The following TKT variants were observed in gnomAD, a reference collection of about 807,000 sequenced individuals.
The protein encoded by TKT is epididymis luminal protein 107.
TKT carries 47 observed loss-of-function variants against 63.9 expected under a neutral mutation model. The ratio of observed to expected loss-of-function variants is 0.74; its 90% confidence interval spans 0.58 to 0.94. The LOEUF (loss-of-function observed/expected upper bound fraction) is 0.94, where lower values mean the gene tolerates loss of function less well. Among genes scored for constraint, TKT ranks in the 40% least tolerant of loss-of-function variants. TKT has a pLI of 0.00. For synonymous variants in TKT, 338 were observed against 334.1 expected (o/e 1.01, Z -0.13); for missense variants, 721 against 846.2 (o/e 0.85, Z 1.84).
intron 1 of TKT, among the ~76,000 whole-genome samples, chr3:53,248,123 G>A (rs1705594753): frequency 6.6e-6 from 1 of 152,208 alleles, no homozygotes; most frequent in Non-Finnish European, 1.5e-5. Context: ...TAGTGTGTAT[G>A]TACAGAACGT....
chr3:53,244,254 G>A (rs1705411103), intron 1 of TKT, among the ~76,000 whole-genome samples: 1 of 152,184 alleles, frequency 6.6e-6, no homozygotes, highest in Non-Finnish European at 1.5e-5. Flanking sequence ...TAGGAGCCAG[G>A]TGTCCCCGCA....
rs372017741 is a variant in TKT at position 53,255,947 on chromosome 3, C to T, written c.-5G>A. Reference sequence around the variant, plus strand: ...AGGCTTGTGGTAGCTCTCCATGGTGCGGCAGGCGGGGACCGGGCGCACACG... The same window carrying T: ...AGGCTTGTGGTAGCTCTCCATGGTGTGGCAGGCGGGGACCGGGCGCACACG... On this transcript the variant is annotated 5_prime_UTR_variant, in exon 1 of 14. Transcript: ENST00000462138. 4.6e-6 allele frequency: 7 copies of T among 1,513,122 alleles called. No homozygotes were observed. Among genetic ancestry groups the T allele is most frequent in the Non-Finnish European group, 6.2e-6 (7 of 1,126,816 alleles). 93.7% of individuals were successfully genotyped at this position (1,513,122 alleles called of 1,614,324 possible). A position where few individuals can be genotyped will look rare whatever the true frequency, so the allele number is the denominator to read the frequency against.
chr3:53,231,190 A>C (rs7633598), intron 7 of TKT, among the ~76,000 whole-genome samples, 167 bp downstream of exon 7: 27,168 of 152,162 alleles, frequency 0.18, 2,516 homozygotes, highest in South Asian at 0.29. Context: ...AACTCCAGAG[A>C]TGTCTGTCAT....
At chr3:53,251,022 T>C (rs1575575770) in intron 1 of TKT, among the ~76,000 whole-genome samples, 1 of 152,198 alleles carries the variant, frequency 6.6e-6, no homozygotes, top group East Asian at 1.9e-4. Context: ...CCTCCCACCC[T>C]GGCCTCCCAA....
chr3:53,226,505 C>T (rs1010708294), intron 13 of TKT: 6 of 504,864 alleles, frequency 1.2e-5, no homozygotes, highest in African/African-American at 3.9e-5. Context: ...CATTTAGCAG[C>T]GAGGTTGGAA....
intron 1 of TKT, among the ~76,000 whole-genome samples, chr3:53,245,765 A>G (rs555599006): frequency 6.6e-6 from 1 of 152,326 alleles, no homozygotes; most frequent in South Asian, 2.1e-4. Context: ...AGCCTGGGCA[A>G]CAGAGTGAGA....
At position 53,229,185 on chromosome 3, in the gene TKT, C is replaced by T. The variant is rs111651975; in HGVS notation, c.1265-48G>A. ...TGCAGAAATAAGACCCCTACCCCCC[C>T]ATCCATGGGCTGGAATCCTGGCCCA... On this transcript the variant is annotated intron_variant, in intron 9 of 13. Coordinates refer to ENST00000462138, the MANE Select transcript of TKT (RefSeq NM_001064.4). The T allele has an allele frequency of 2.7e-5, 44 of 1,613,400 alleles. No homozygotes were observed. In the Admixed American group the frequency reaches 3.3e-4, roughly 12 times the overall value.
chr3:53,247,865 C>T (rs781940302), intron 1 of TKT, among the ~76,000 whole-genome samples: 15 of 152,082 alleles, frequency 9.9e-5, no homozygotes, highest in Non-Finnish European at 2.2e-4. Flanking sequence ...GCTCTTCTTC[C>T]CCTCACTCAT....
intron 1 of TKT, among the ~76,000 whole-genome samples, chr3:53,254,840 T>A (rs940590403): frequency 6.6e-6 from 1 of 152,334 alleles, no homozygotes; most frequent in South Asian, 2.1e-4. Context: ...CCTCATTAAT[T>A]ATCCCTGTCT....
At chr3:53,227,086 A>C (rs1704532128) in intron 12 of TKT, 1 of 592,306 alleles carries the variant, frequency 1.7e-6, no homozygotes. Context: ...CATCTGGTCC[A>C]GCTGTGTTGC....
In TKT at chr3:53,226,777, C is replaced by A. The variant is rs781993830; in HGVS notation, c.1675G>T (p.Val559Leu). 1 of 1,614,198 alleles carries A rather than the reference C, an allele frequency of 6.2e-7. No homozygotes were observed. The highest frequency in any genetic ancestry group is 8.5e-7 in the Non-Finnish European group (1 of 1,180,024). ...TTACCTTCATAATAATGGTCCTCCACGGTGAGGATCCTGCCCTTGGTGGCA... is the reference window on the plus strand; with the variant it reads ...TTACCTTCATAATAATGGTCCTCCAAGGTGAGGATCCTGCCCTTGGTGGCA... ...ARATKGRILT[V>L]EDHYYEGGIG... Residue 559 changes from valine to leucine, a missense_variant, in exon 13 of 14, where the codon GTG becomes TTG. Val to Leu is a conservative substitution (Grantham distance 32). Coordinates refer to ENST00000462138, the MANE Select transcript of TKT (RefSeq NM_001064.4).
At position 53,233,171 on chromosome 3, in the gene TKT, C is replaced by T; in HGVS notation, c.733G>A (p.Gly245Ser). 2 of 1,613,786 alleles carry T rather than the reference C, an allele frequency of 1.2e-6. No individual in the cohort carries two copies. The highest frequency in any genetic ancestry group is 1.7e-6 in the Non-Finnish European group (2 of 1,179,864). The change falls in exon 6 of 14, where the codon GGC becomes AGC. Residue 245 changes from glycine to serine, a missense_variant. Gly to Ser is a moderately conservative substitution (Grantham distance 56, BLOSUM62 0). Transcript: ENST00000462138. ...GCATACTGACCCGTGATCCCTCGGCCCTTGAAGGTCTTGGCAATGATGGCT... is the reference window on the plus strand; with the variant it reads ...GCATACTGACCCGTGATCCCTCGGCTCTTGAAGGTCTTGGCAATGATGGCT... ...PTAIIAKTFKGRGITGVEDKE... is the reference protein window; with the variant it reads ...PTAIIAKTFKSRGITGVEDKE...
intron 5 of TKT, 47 bp downstream of exon 5, chr3:53,234,936 C>T (rs1704943914): frequency 6.5e-7 from 1 of 1,542,772 alleles, no homozygotes; most frequent in African/African-American, 1.4e-5. Flanking sequence ...GATCACAGAC[C>T]ACTCTCCCGT....
chr3:53,252,421 T>C (rs1377416058), intron 1 of TKT, among the ~76,000 whole-genome samples: 1 of 152,260 alleles, frequency 6.6e-6, no homozygotes, highest in Non-Finnish European at 1.5e-5. Context: ...ATGGGTTGCA[T>C]AGCAACGTTA....
At position 53,241,132 on chromosome 3, in the gene TKT, C is replaced by A. The variant is rs374270373; in HGVS notation, c.339G>T (p.Pro113=). The A allele has an allele frequency of 6.4e-7, 1 of 1,553,194 alleles. No individual in the cohort carries two copies. The highest frequency in any genetic ancestry group is 1.2e-5 in the South Asian group (1 of 80,934). Residue 113 remains proline, a splice_region_variant and synonymous_variant, in exon 3 of 14, where the codon CCG becomes CCT. Coordinates refer to ENST00000462138, the MANE Select transcript of TKT (RefSeq NM_001064.4). Reference sequence around the variant, plus strand: ...GGGAGGCTCTGGCAGGAGCACTTACCGGGACCGGGTGCCCGTCCAAGTCGG... The same window carrying A: ...GGGAGGCTCTGGCAGGAGCACTTACAGGGACCGGGTGCCCGTCCAAGTCGG... ...ISSDLDGHPV[P]KQAFTDVATG...
intron 1 of TKT, among the ~76,000 whole-genome samples, chr3:53,255,452 G>A (rs1705942955): frequency 6.6e-6 from 1 of 152,254 alleles, no homozygotes; most frequent in Admixed American, 6.5e-5. Context: ...AGAGGGTTAA[G>A]AGGGCCGCGT....
At chr3:53,227,693 C>A in intron 12 of TKT, 1 of 220,648 alleles carries the variant, frequency 4.5e-6, no homozygotes, top group South Asian at 6.3e-5. Context: ...CTCCATTTTA[C>A]AGATAGGAAA....
chr3:53,232,991 G>T (rs1704836762), intron 6 of TKT, 165 bp downstream of exon 6: 9 of 622,616 alleles, frequency 1.4e-5, no homozygotes, highest in African/African-American at 1.9e-5. Context: ...TCCTGGCTCA[G>T]CCACAGGGGT....
rs782662123 is a variant in TKT at position 53,230,496 on chromosome 3, C to G, written c.1068G>C (p.Pro356=). 2 of 1,614,196 alleles carry G rather than the reference C, an allele frequency of 1.2e-6. No homozygotes were observed. The highest frequency in any genetic ancestry group is 1.1e-5 in the South Asian group (1 of 91,080). The stretch of plus-strand genomic sequence containing the variant: ...CAATGTAGCACTCGATGAAGCGGTC[C>G]GGGTGCTCCTTTTTGAAGATCTCCG... ...TFSEIFKKEH[P]DRFIECYIAE... The change falls in exon 8 of 14, where the codon CCG becomes CCC. Residue 356 remains proline, a synonymous_variant. Transcript: ENST00000462138.
Sources: allele counts gnomAD v4.1 joint callset (sites outside exome capture counted in the v4.1 genomes callset), GRCh38; gene constraint gnomAD v4.1.1; transcripts MANE v1.5; gene names NCBI Gene and HGNC (gene_info 2026-07-23, HGNC 2026-07-21).